Variants in NOTCH1 observed in about 807,000 individuals in gnomAD.
NOTCH1 encodes neurogenic locus notch homolog protein 1.
Under a neutral mutation model 254.8 loss-of-function variants are expected in NOTCH1, and 37 were observed. The observed-to-expected ratio is 0.15, with a 90% CI of 0.11 to 0.19. The LOEUF is 0.19. Ranked by LOEUF, NOTCH1 falls within the 10% of genes least tolerant of loss-of-function variation. NOTCH1 has a pLI of 1.00. For synonymous variants in NOTCH1, 1,731 were observed against 1,618.1 expected (o/e 1.07, Z -1.68); for missense variants, 2,972 against 3,708.6 (o/e 0.80, Z 5.16).
rs2133326295 is a variant in NOTCH1 at position 136,500,730 on chromosome 9, C to T, written c.5756G>A (p.Ser1919Asn). The T allele has an allele frequency of 6.2e-7, 1 of 1,608,142 alleles. No individual in the cohort carries two copies. Among genetic ancestry groups the T allele is most frequent in the East Asian group, 2.2e-5 (1 of 44,882 alleles). Residue 1919 changes from serine (S) to asparagine (N), a missense_variant, in exon 31 of 34, where the codon AGC (serine) becomes AAC (asparagine). Ser to Asn is a conservative substitution (Grantham distance 46, BLOSUM62 1). Around this residue, in one of 8 missense-constraint regions of NOTCH1, gnomAD observed 421 missense variants for 604.4 expected, o/e 0.70. Transcript: ENST00000651671. ...VISDFIYQGA[S>N]LHNQTDRTGE... ...CGTGCGGTCTGTCTGGTTGTGCAGGCTGGCGCCCTGGTAGATGAAGTCGGA... is the reference window on the plus strand; with the variant it reads ...CGTGCGGTCTGTCTGGTTGTGCAGGTTGGCGCCCTGGTAGATGAAGTCGGA...
Position 136,519,537 on chromosome 9 carries a change from A to G in NOTCH1, c.771T>C (p.Asn257=). ...PGFTGQNCEE[N]IDDCPGNNCK... ...AGTTGTTTCCTGGACAATCGTCGAT[A>G]TTTTCCTCACAGTTCTGGCCGGTGA... is the stretch of plus-strand genomic sequence containing the variant. Residue 257 remains asparagine, a synonymous_variant, in exon 5 of 34, where the codon AAT becomes AAC. Coordinates refer to ENST00000651671, the MANE Select transcript of NOTCH1 (RefSeq NM_017617.5). 6.2e-7 allele frequency: 1 copy of G among 1,612,794 alleles called. No individual in the cohort carries two copies.
intron 2 of NOTCH1, among the ~76,000 whole-genome samples, chr9:136,533,997 G>A (rs1843603083): frequency 6.6e-6 from 1 of 152,242 alleles, no homozygotes; most frequent in Non-Finnish European, 1.5e-5. Flanking sequence ...ACCCCACTAC[G>A]GGGAAGAGGG....
intron 2 of NOTCH1, among the ~76,000 whole-genome samples, chr9:136,525,154 G>T (rs1251745370): frequency 6.6e-6 from 1 of 152,232 alleles, no homozygotes; most frequent in African/African-American, 2.4e-5. Context: ...CAAGGTGCCA[G>T]GAGGAGGTCC....
In NOTCH1 at chr9:136,545,634, C is replaced by T; in HGVS notation, c.61+92G>A. On this transcript the variant is annotated intron_variant, in intron 1 of 33. Transcript: ENST00000651671. The surrounding 1 kb of genome is among the most constrained non-coding windows in gnomAD (Gnocchi z 6.8). ...CCTCTCCATGCTGGCCTCCCCGCCG[C>T]CCGCTCCCAGCCGTGGGGCGCGCGC... 1 of 1,104,464 alleles carries T rather than the reference C, an allele frequency of 9.1e-7. No individual in the cohort carries two copies. Among genetic ancestry groups the T allele is most frequent in the African/African-American group, 1.7e-5 (1 of 59,564 alleles). The allele number at this position is 1,104,464 out of a possible 1,614,324, so 68.4% of individuals were successfully genotyped here.
Position 136,514,712 on chromosome 9 carries a change from G to A in NOTCH1, c.2015-10C>T. 1 of 1,611,202 alleles carries A rather than the reference G, an allele frequency of 6.2e-7. No individual in the cohort carries two copies. Among genetic ancestry groups the A allele is most frequent in the Non-Finnish European group, 8.5e-7 (1 of 1,179,352 alleles). On this transcript the variant is annotated splice_polypyrimidine_tract_variant and intron_variant, in intron 12 of 33. Coordinates refer to ENST00000651671, the MANE Select transcript of NOTCH1 (RefSeq NM_017617.5). ...ATGTTACACATGCTCCCTAAGGGCA[G>A]GGCGGGTCAGACTCCGAGGCCCAGC...
In NOTCH1 at chr9:136,513,032, A is replaced by G. The variant is rs1382765209; in HGVS notation, c.2456T>C (p.Leu819Pro). ...CACCCACCCCTCACCTGTGTAGGGC[A>G]GCAGGCAGTTGCACTTGTACCCGGC... ...DVAGYKCNCL[L>P]PYTGATCEVV... The change falls in exon 15 of 34, where the codon CTG (leucine) becomes CCG (proline). Residue 819 changes from leucine to proline, a missense_variant. By Grantham distance (98) the Leu-to-Pro change is moderately conservative. This residue lies in a region of NOTCH1 where 1,343 missense variants were observed against 1,557.0 expected (regional missense o/e 0.86). Transcript: ENST00000651671. The surrounding 1 kb of genome is among the most constrained non-coding windows in gnomAD (Gnocchi z 4.7). 1.6e-6 allele frequency: 2 copies of G among 1,263,268 alleles called. No homozygotes were observed. Among genetic ancestry groups the G allele is most frequent in the Non-Finnish European group, 2.1e-6 (2 of 933,296 alleles). 78.3% of individuals were successfully genotyped at this position (1,263,268 alleles called of 1,614,324 possible). A position where few individuals can be genotyped will look rare whatever the true frequency, so the allele number is the denominator to read the frequency against.
At position 136,507,288 on chromosome 9, in the gene NOTCH1, C is replaced by T. The variant is rs376187570; in HGVS notation, c.3643+17G>A. 1.2e-4 allele frequency: 186 copies of T among 1,612,700 alleles called. 1 individual carries two copies. Among genetic ancestry groups the T allele is most frequent in the African/African-American group, 4.5e-4 (34 of 74,956 alleles). On this transcript the variant is annotated intron_variant, in intron 22 of 33. Transcript: ENST00000651671. The stretch of plus-strand genomic sequence containing the variant: ...CCATGGATGGCCAACACCAGCCCTC[C>T]GTGCAGCGGCCCTTACCCTGAGTGC...
intron 22 of NOTCH1, 76 bp downstream of exon 22, chr9:136,507,229 C>G (rs753843716): frequency 6.2e-7 from 1 of 1,606,642 alleles, no homozygotes; most frequent in Non-Finnish European, 8.5e-7. Context: ...TGCCTCTGGC[C>G]GGTCCCGGGG....
In NOTCH1 at chr9:136,544,009, A is replaced by C. The variant is rs1379464090; in HGVS notation, c.140+15T>G. 1.9e-6 allele frequency: 3 copies of C among 1,564,856 alleles called. No homozygotes were observed. The highest frequency in any genetic ancestry group is 2.6e-6 in the Non-Finnish European group (3 of 1,155,230). ...CCCTCGACAAAGCAACAGGTCCCGC[A>C]GGGGTGGTACTCACACGCAGGCCTC... On this transcript the variant is annotated intron_variant, in intron 2 of 33. Transcript: ENST00000651671.
intron 2 of NOTCH1, among the ~76,000 whole-genome samples, chr9:136,534,002 A>G (rs1415099287): frequency 6.6e-6 from 1 of 152,220 alleles, no homozygotes. Flanking sequence ...ACTACGGGGA[A>G]GAGGGCAGGA....
chr9:136,503,085 TG>T, intron 27 of NOTCH1, 96 bp downstream of exon 27: 1 of 1,551,214 alleles, frequency 6.4e-7, no homozygotes. Context: ...CTCACACCCG[TG>T]GGTAGCAACT....
In NOTCH1 at chr9:136,523,857, C is replaced by A. The variant is rs191357265; in HGVS notation, c.263G>T (p.Ser88Ile). The change falls in exon 3 of 34, where the codon AGC (serine) becomes ATC (isoleucine). Residue 88 changes from serine (S) to isoleucine (I), a missense_variant. Ser to Ile is a moderately radical substitution (Grantham distance 142). Around this residue, in one of 8 missense-constraint regions of NOTCH1, gnomAD observed 374 missense variants for 496.3 expected, o/e 0.75. Transcript: ENST00000651671. The part of the protein sequence containing the change: ...DRRGVADYAC[S>I]CALGFSGPLC... ...GGGCCCAGAGAAGCCCAGGGCACAG[C>A]TGCAGGCATAGTCTGCCACGCCTCT... 4 of 1,611,584 alleles carry A rather than the reference C, an allele frequency of 2.5e-6. No individual in the cohort carries two copies. Among genetic ancestry groups the A allele is most frequent in the Middle Eastern group, 1.6e-4 (1 of 6,070 alleles).
Position 136,508,966 on chromosome 9 carries a change from G to A in NOTCH1, c.3075C>T (p.Cys1025=), listed in dbSNP as rs764208271. The A allele has an allele frequency of 1.8e-5, 28 of 1,553,838 alleles. No homozygotes were observed. Among genetic ancestry groups the A allele is most frequent in the African/African-American group, 2.7e-5 (2 of 73,318 alleles). Residue 1025 remains cysteine, a synonymous_variant, in exon 19 of 34, where the codon TGC becomes TGT. Transcript: ENST00000651671. The part of the protein sequence containing the change: ...GSYCQHDVNE[C]DSQPCLHGGT... ...CGCCATGCAGGCAGGGCTGTGAGTC[G>A]CACTCATTGACATCGTGCTGGCAGT...
chr9:136,502,321 T>G lies in NOTCH1; in HGVS notation c.5335A>C (p.Ser1779Arg). Residue 1779 changes from serine (S) to arginine (R), a missense_variant, in exon 28 of 34, where the codon AGC (serine) becomes CGC (arginine). This residue lies in a region of NOTCH1 where 421 missense variants were observed against 604.4 expected (regional missense o/e 0.70). Coordinates refer to ENST00000651671, the MANE Select transcript of NOTCH1 (RefSeq NM_017617.5). ...FPEGFKVSEA[S>R]KKKRREPLGE... The stretch of plus-strand genomic sequence containing the variant: ...AGGGGCTCCCGCCGCTTCTTCTTGC[T>G]GGCCTCAGACACTTTGAAGCCCTCA... The G allele has an allele frequency of 6.2e-7, 1 of 1,612,494 alleles. No homozygotes were observed. The highest frequency in any genetic ancestry group is 8.5e-7 in the Non-Finnish European group (1 of 1,179,814).
intron 16 of NOTCH1, 77 bp downstream of exon 16, chr9:136,511,075 C>T (rs1307253057): frequency 6.2e-6 from 10 of 1,606,102 alleles, no homozygotes; most frequent in South Asian, 1.1e-5. Context: ...CTCATCTAGC[C>T]TGCCTGGGAG....
At chr9:136,522,795 C>T in intron 4 of NOTCH1, 55 bp downstream of exon 4, 1 of 1,431,848 alleles carries the variant, frequency 7.0e-7, no homozygotes, top group Non-Finnish European at 9.2e-7. Context: ...TTCCCACCCC[C>T]TGGGCCTGGC....
At chr9:136,518,398 C>T (rs1843312553) in intron 6 of NOTCH1, 106 bp from the exon 7 acceptor site, 15 of 1,456,060 alleles carry the variant, frequency 1.0e-5, no homozygotes, top group Admixed American at 3.9e-5. Flanking sequence ...AGCTGCCCGC[C>T]GTGACCCCGT....
rs2133318384 is a variant in NOTCH1 at position 136,497,262 on chromosome 9, G to A, written c.6477C>T (p.Arg2159=). The A allele has an allele frequency of 6.2e-7, 1 of 1,611,424 alleles. No homozygotes were observed. The highest frequency in any genetic ancestry group is 8.5e-7 in the Non-Finnish European group (1 of 1,179,890). ...LKPGVQGKKV[R]KPSSKGLACG... ...AGGCCAGGCCTTTGCTGCTGGGCTT[G>A]CGGACCTTCTTGCCCTGCACGCCGG... Residue 2159 remains arginine, a synonymous_variant, in exon 34 of 34, where the codon CGC becomes CGT. Transcript: ENST00000651671.
In NOTCH1 at chr9:136,510,865, C is replaced by G. The variant is rs968037398; in HGVS notation, c.2588-60G>C. ...GGCCCCTGGCCCTCCAGGCCCTTCCCAGGCTGGCCCACCCACCTACAGTGC... is the reference window on the plus strand; with the variant it reads ...GGCCCCTGGCCCTCCAGGCCCTTCCGAGGCTGGCCCACCCACCTACAGTGC... On this transcript the variant is annotated intron_variant, in intron 16 of 33. Transcript: ENST00000651671. The G allele has an allele frequency of 1.4e-5, 23 of 1,596,362 alleles. No individual in the cohort carries two copies. The Admixed American group carries it at 2.3e-4, about 16-fold the overall frequency.
Sources: gnomAD v4.1 joint callset for allele counts (sites outside exome capture counted in the v4.1 genomes callset) on GRCh38, gnomAD v4.1.1 for gene constraint, gnomAD v4.1.1 regional missense constraint, Gnocchi (gnomAD v3.1) non-coding constraint, MANE v1.5 for transcripts, NCBI Gene and HGNC (gene_info 2026-07-23, HGNC 2026-07-21) for gene names.